The following PRKN variants were observed in gnomAD, a reference collection of about 807,000 sequenced individuals.
PRKN encodes the protein parkin RBR E3 ubiquitin protein ligase, also known as E3 ubiquitin-protein ligase parkin.
A neutral mutation model predicts 59.5 loss-of-function variants in PRKN; 56 were observed. The ratio of observed to expected loss-of-function variants is 0.94; its 90% CI spans 0.76 to 1.18. PRKN has a LOEUF of 1.18. PRKN is among the 50% of genes most tolerant of loss of function. The pLI is 0.00. For missense variants in PRKN, 657 were observed against 596.4 expected, an observed-to-expected ratio of 1.10 and a Z score of -1.06; for synonymous variants, 250 against 222.1, an observed-to-expected ratio of 1.13 and a Z score of -1.12.
intron 5 of PRKN, among the ~76,000 whole-genome samples, chr6:162,001,896 G>A (rs192566104): frequency 2.4e-4 from 32 of 134,684 alleles, no homozygotes; most frequent in African/African-American, 2.8e-5. Context: ...TGATTTTGTC[G>A]AATGCTTTTT....
intron 1 of PRKN, among the ~76,000 whole-genome samples, chr6:162,446,955 T>C (rs573280708): frequency 1.3e-5 from 2 of 152,302 alleles, no homozygotes; most frequent in African/African-American, 2.4e-5. Flanking sequence ...AAAGAGAAAT[T>C]TGAATGCTGG....
intron 9 of PRKN, among the ~76,000 whole-genome samples, chr6:161,434,082 T>C: frequency 6.6e-6 from 1 of 152,118 alleles, no homozygotes; most frequent in East Asian, 1.9e-4. Flanking sequence ...TAAGCCTGGG[T>C]AAAATTTTAT....
At chr6:162,096,575 C>G (rs993719869) in intron 4 of PRKN, among the ~76,000 whole-genome samples, 1 of 152,122 alleles carries the variant, frequency 6.6e-6, no homozygotes, top group African/African-American at 2.4e-5. Context: ...ATAACTGAAT[C>G]ATGGGGGTGG....
chr6:161,948,446 GT>G (rs1779863128), intron 6 of PRKN, among the ~76,000 whole-genome samples: 1 of 152,204 alleles, frequency 6.6e-6, no homozygotes, highest in African/African-American at 2.4e-5. Context: ...AGTGAACATA[GT>G]TCAAGTCTAC....
At chr6:162,430,704 C>T (rs1485605977) in intron 2 of PRKN, among the ~76,000 whole-genome samples, 2 of 151,820 alleles carry the variant, frequency 1.3e-5, no homozygotes, top group Non-Finnish European at 2.9e-5. Flanking sequence ...CAGATTATAC[C>T]AAGGGGCATG....
At chr6:161,438,614 C>T (rs1158156076) in intron 9 of PRKN, among the ~76,000 whole-genome samples, 2 of 152,052 alleles carry the variant, frequency 1.3e-5, no homozygotes, top group African/African-American at 4.8e-5. Context: ...GAAAACAGTA[C>T]AATTCGGCGA....
intron 7 of PRKN, among the ~76,000 whole-genome samples, chr6:161,655,219 G>C (rs1429625969): frequency 4.2e-5 from 6 of 143,670 alleles, no homozygotes; most frequent in Non-Finnish European, 9.1e-5. Flanking sequence ...TCACCAGCAA[G>C]GTGCCCAGTT....
At chr6:161,495,658 C>T (rs568195956) in intron 9 of PRKN, among the ~76,000 whole-genome samples, 28 of 152,356 alleles carry the variant, frequency 1.8e-4, no homozygotes, top group South Asian at 6.2e-4. Context: ...GAGCCACAGA[C>T]GGGAGCTTCT....
rs1220192681 is a variant in PRKN, at chr6:161,388,793, GCGGCCTCAGC to G, written c.1084-1926_1084-1917del. Reference sequence around the variant, plus strand: ...TGGGAGCCCCACATGGAGAAGAGCTGCGGCCTCAGCCGCAACAATAGCCCTGTCTGAGCTT... The same window carrying G: ...TGGGAGCCCCACATGGAGAAGAGCTGCGCAACAATAGCCCTGTCTGAGCTT... On this transcript the variant is annotated intron_variant, in intron 9 of 11. Coordinates refer to ENST00000366898, the MANE Select transcript of PRKN (RefSeq NM_004562.3). The surrounding 1 kb of genome is among the most constrained non-coding windows in gnomAD (Gnocchi z 4.3). 3.9e-5 allele frequency among the ~76,000 whole-genome samples: 6 copies of G among 152,226 alleles called. No homozygotes were observed. Among genetic ancestry groups the G allele is most frequent in the African/African-American group, 1.4e-4 (6 of 41,458 alleles).
rs954392503 is a variant in PRKN at position 161,545,042 on chromosome 6, C to T, written c.1083+3812G>A. Reference sequence around the variant, plus strand: ...GTGAAATGACTAGAAGATTAGAATCCTCTGGAGCCCAGAGCTCAACACATG... The same window carrying T: ...GTGAAATGACTAGAAGATTAGAATCTTCTGGAGCCCAGAGCTCAACACATG... On this transcript the variant is annotated intron_variant, in intron 9 of 11. Coordinates refer to ENST00000366898, the MANE Select transcript of PRKN (RefSeq NM_004562.3). The surrounding 1 kb of genome is among the most constrained non-coding windows in gnomAD (Gnocchi z 4.1). 1.3e-5 allele frequency: 7 copies of T among 531,640 alleles called. No homozygotes were observed. 32.9% of individuals were successfully genotyped at this position (531,640 alleles called of 1,614,324 possible). A position where few individuals can be genotyped will look rare whatever the true frequency, so the allele number is the denominator to read the frequency against.
chr6:162,498,173 T>G (rs58933539), intron 1 of PRKN, among the ~76,000 whole-genome samples: 24,330 of 152,010 alleles, frequency 0.16, 2,139 homozygotes, highest in Non-Finnish European at 0.18. Context: ...GAACAAGGGA[T>G]TTGTGCTTAT....
rs1366306802 is a variant in PRKN, at chr6:161,874,825, A to ATAAAATATATATAATATG, written c.735-88918_735-88917insCATATTATATATATTTTA. 2.7e-5 allele frequency among the ~76,000 whole-genome samples: 3 copies of ATAAAATATATATAATATG among 109,768 alleles called. 1 individual carries two copies. The highest frequency in any genetic ancestry group is 1.1e-4 in the African/African-American group (3 of 26,468). The allele number at this position is 109,768 out of a possible 152,430, so 72.0% of individuals were successfully genotyped here. ...ATAAGATATATAAAATGTATAATAT[A>ATAAAATATATATAATATG]TAAAATGTATAATATATAAAATATA... On this transcript the variant is annotated intron_variant, in intron 6 of 11. Transcript: ENST00000366898.
chr6:162,586,618 C>A (rs778191479), intron 1 of PRKN, among the ~76,000 whole-genome samples: 1 of 152,094 alleles, frequency 6.6e-6, no homozygotes, highest in African/African-American at 2.4e-5. Flanking sequence ...AAATCTACCA[C>A]GAGGGGCTAT....
At chr6:162,021,905 ACCCATCGTTT>A (rs1783219908) in intron 5 of PRKN, among the ~76,000 whole-genome samples, 1 of 151,932 alleles carries the variant, frequency 6.6e-6, no homozygotes, top group South Asian at 2.1e-4. Context: ...GTCCATGTGT[ACCCATCGTTT>A]AGTTCCCACT....
In PRKN at chr6:162,121,937, T is replaced by C. The variant is rs1780931948; in HGVS notation, c.535-67763A>G. ...CTTGGTCAAGATTGAGACAGAAGTA[T>C]AGGAAACAGTGATTATTTGGTGATC... On this transcript the variant is annotated intron_variant, in intron 4 of 11. Transcript: ENST00000366898. Among the ~76,000 whole-genome samples the C allele has an allele frequency of 2.0e-5, 3 of 152,242 alleles. No homozygotes were observed. In the South Asian group the frequency reaches 6.2e-4, roughly 32 times the overall value.
rs193205254 is a variant in PRKN at position 162,155,364 on chromosome 6, G to A, written c.534+45767C>T. On this transcript the variant is annotated intron_variant, in intron 4 of 11. Coordinates refer to ENST00000366898, the MANE Select transcript of PRKN (RefSeq NM_004562.3). ...GTCAAGGGCAAATTAATCCTGATTC[G>A]TCTAATACAAGTTTATTACATCAAA... is the stretch of plus-strand genomic sequence containing the variant. 4.5e-4 allele frequency among the ~76,000 whole-genome samples: 68 copies of A among 152,190 alleles called. 1 individual carries two copies. The highest frequency in any genetic ancestry group is 1.3e-3 in the African/African-American group (52 of 41,528).
chr6:162,364,977 CTCTTT>C (rs906121628), intron 2 of PRKN, among the ~76,000 whole-genome samples: 2 of 138,186 alleles, frequency 1.4e-5, no homozygotes, highest in East Asian at 2.0e-4. Flanking sequence ...CTCTCTCTCT[CTCTTT>C]TTTTTTTTTT....
intron 6 of PRKN, among the ~76,000 whole-genome samples, chr6:161,799,891 G>A (rs1791009719): frequency 6.6e-6 from 1 of 152,130 alleles, no homozygotes; most frequent in African/African-American, 2.4e-5. Context: ...AGGCACTTAG[G>A]TAGGAATGCT....
At chr6:162,676,793 T>C (rs1045449617) in intron 1 of PRKN, among the ~76,000 whole-genome samples, 10 of 152,174 alleles carry the variant, frequency 6.6e-5, no homozygotes, top group African/African-American at 2.4e-4. Context: ...CTGGACGCGG[T>C]GGCTCACGCC....
Sources: allele counts gnomAD v4.1 joint callset (sites outside exome capture counted in the v4.1 genomes callset), GRCh38; gene constraint gnomAD v4.1.1; non-coding constraint Gnocchi (gnomAD v3.1); transcripts MANE v1.5; gene names NCBI Gene and HGNC (gene_info 2026-07-23, HGNC 2026-07-21).